PCDHGB4: variants seen among roughly 807,000 people sequenced by gnomAD.
The protein encoded by PCDHGB4 is protocadherin gamma subfamily B, 4.
PCDHGB4 carries 38 observed loss-of-function variants against 60.5 expected under a neutral mutation model. The observed-to-expected ratio is 0.63, with a 90% CI of 0.48 to 0.82. The LOEUF (loss-of-function observed/expected upper bound fraction) is 0.82. Ranked by LOEUF, PCDHGB4 falls within the 40% of genes least tolerant of loss-of-function variation. The pLI is 0.00. For synonymous variants in PCDHGB4, 456 were observed against 509.7 expected (o/e 0.89, Z 1.42); for missense variants, 1,109 against 1,209.6 (o/e 0.92, Z 1.23).
chr5:141,417,861 T>A, intron 1 of PCDHGB4: 3 of 1,549,554 alleles, frequency 1.9e-6, no homozygotes, highest in Non-Finnish European at 2.6e-6. Context: ...GAGCGAACGA[T>A]GGGAGGGAGC....
At chr5:141,457,107 A>G (rs2098908740) in intron 1 of PCDHGB4, among the ~76,000 whole-genome samples, 1 of 152,260 alleles carries the variant, frequency 6.6e-6, no homozygotes, top group African/African-American at 2.4e-5. Flanking sequence ...ATTAAGCAAA[A>G]TACGACAGCA....
chr5:141,424,082 C>T (rs2096798510), intron 1 of PCDHGB4: 2 of 957,226 alleles, frequency 2.1e-6, no homozygotes, highest in East Asian at 1.1e-4. Flanking sequence ...TTATATTCCA[C>T]CATTATTTGC....
chr5:141,396,570 C>T (rs996384369), intron 1 of PCDHGB4: 5 of 150,662 alleles, frequency 3.3e-5, no homozygotes, highest in African/African-American at 1.2e-4. Flanking sequence ...CAGTGAGCCT[C>T]GATCCTGTCA....
intron 1 of PCDHGB4, among the ~76,000 whole-genome samples, chr5:141,473,858 C>T (rs569473917): frequency 6.6e-6 from 1 of 152,168 alleles, no homozygotes; most frequent in Non-Finnish European, 1.5e-5. Flanking sequence ...ATGAACCTCG[C>T]TATTGTGGAG....
intron 1 of PCDHGB4, chr5:141,441,945 G>A: frequency 3.0e-6 from 1 of 333,884 alleles, no homozygotes; most frequent in Non-Finnish European, 5.8e-6. Flanking sequence ...ACCACGTGCT[G>A]CAGGCCAGCA....
At chr5:141,410,041 G>A (rs763879404) in intron 1 of PCDHGB4, 2 of 1,613,228 alleles carry the variant, frequency 1.2e-6, no homozygotes, top group East Asian at 2.2e-5. Flanking sequence ...AGGCCAGTGA[G>A]CCCGGACTCT....
At chr5:141,422,090 A>T (rs762413085) in intron 1 of PCDHGB4, 1 of 1,611,852 alleles carries the variant, frequency 6.2e-7, no homozygotes, top group East Asian at 2.2e-5. Context: ...ATGGAAAGCA[A>T]GGCTTCTGAA....
chr5:141,422,898 C>T (rs2096684110), intron 1 of PCDHGB4: 2 of 1,614,250 alleles, frequency 1.2e-6, no homozygotes, highest in Middle Eastern at 1.6e-4. Flanking sequence ...TGGACCAGAA[C>T]GACAATGCGC....
In PCDHGB4 at chr5:141,486,805, C is replaced by A; in HGVS notation, c.2398-8002C>A. On this transcript the variant is annotated intron_variant, in intron 1 of 3. Transcript: ENST00000519479. The surrounding 1 kb of genome is among the most constrained non-coding windows in gnomAD (Gnocchi z 5.0). ...AGGCCCGGGATCGGGGCAACCCACC[C>A]CTTAGCAGCACTGTAACAGTTCGTC... 1.2e-6 allele frequency: 2 copies of A among 1,614,242 alleles called. No homozygotes were observed. Among genetic ancestry groups the A allele is most frequent in the Admixed American group, 1.7e-5 (1 of 60,034 alleles).
Position 141,510,960 on chromosome 5 carries a change from G to C in PCDHGB4, c.2559G>C (p.Gly853=). The change falls in exon 4 of 4, where the codon GGG becomes GGC. Residue 853 remains glycine, a synonymous_variant. Transcript: ENST00000519479. ...CTGTCTCTGCAGAAGCTGCTGATGG[G>C]AGCTCCACCCTGGGAGGGGGTGCCG... The part of the protein sequence containing the change: ...ILASASEAAD[G]SSTLGGGAGT... 1 of 1,614,120 alleles carries C rather than the reference G, an allele frequency of 6.2e-7. No homozygotes were observed. Among genetic ancestry groups the C allele is most frequent in the Non-Finnish European group, 8.5e-7 (1 of 1,180,022 alleles).
intron 1 of PCDHGB4, among the ~76,000 whole-genome samples, chr5:141,443,832 A>G (rs2098407108): frequency 6.6e-6 from 1 of 152,224 alleles, no homozygotes; most frequent in African/African-American, 2.4e-5. Context: ...ATTAGGTAAA[A>G]TGGGTAATAT....
chr5:141,431,408 G>T lies in PCDHGB4; in HGVS notation c.2397+41127G>T, dbSNP rs1270461546. On this transcript the variant is annotated intron_variant, in intron 1 of 3. Coordinates refer to ENST00000519479, the MANE Select transcript of PCDHGB4 (RefSeq NM_003736.4). The surrounding 1 kb of genome is among the most constrained non-coding windows in gnomAD (Gnocchi z 4.8). ...CCACCTGGTCCTTACGGCCTCCGAC[G>T]GGGGCGACCCGGTGCGCACAGGCAC... 4 of 1,613,600 alleles carry T rather than the reference G, an allele frequency of 2.5e-6. No individual in the cohort carries two copies. Among genetic ancestry groups the T allele is most frequent in the Non-Finnish European group, 3.4e-6 (4 of 1,180,038 alleles).
At chr5:141,500,866 A>G (rs576713520) in intron 2 of PCDHGB4, among the ~76,000 whole-genome samples, 19 of 146,112 alleles carry the variant, frequency 1.3e-4, no homozygotes, top group South Asian at 4.3e-4. Context: ...AAACATACAC[A>G]TTCATTTACA....
At chr5:141,418,672 G>A (rs1170411469) in intron 1 of PCDHGB4, 3 of 1,614,022 alleles carry the variant, frequency 1.9e-6, no homozygotes, top group Non-Finnish European at 2.5e-6. Context: ...ACCAGGACGA[G>A]GGCATCAACT....
intron 3 of PCDHGB4, 133 bp downstream of exon 3, chr5:141,505,614 AC>A: frequency 6.6e-7 from 1 of 1,510,758 alleles, no homozygotes; most frequent in Non-Finnish European, 8.9e-7. Flanking sequence ...GTCTGAAAGG[AC>A]CCACAATTCC....
intron 1 of PCDHGB4, among the ~76,000 whole-genome samples, chr5:141,463,539 C>T (rs1408887405): frequency 6.7e-6 from 1 of 148,606 alleles, no homozygotes; most frequent in Admixed American, 6.8e-5. Context: ...AACTCCGGCT[C>T]CCGGGTTCAT....
chr5:141,485,726 C>G lies in PCDHGB4; in HGVS notation c.2398-9081C>G. On this transcript the variant is annotated intron_variant, in intron 1 of 3. Transcript: ENST00000519479. The surrounding 1 kb of genome is among the most constrained non-coding windows in gnomAD (Gnocchi z 5.7). ...ACACTTTGCACTGGATGTGAAGAAG[C>G]GCAGCGACGGCAGCCTGGTCCCAGA... 2 of 1,614,140 alleles carry G rather than the reference C, an allele frequency of 1.2e-6. No individual in the cohort carries two copies. The highest frequency in any genetic ancestry group is 1.1e-5 in the South Asian group (1 of 91,082).
At chr5:141,414,646 A>G in intron 1 of PCDHGB4, 2 of 1,613,928 alleles carry the variant, frequency 1.2e-6, no homozygotes, top group Non-Finnish European at 1.7e-6. Context: ...GAATGCCCAG[A>G]TTATTTACTC....
chr5:141,481,724 C>T (rs1301509633), intron 1 of PCDHGB4, among the ~76,000 whole-genome samples: 2 of 151,882 alleles, frequency 1.3e-5, no homozygotes. Context: ...GAGGCGGAGG[C>T]GGGCGGATCA....
Sources: gnomAD v4.1 joint callset for allele counts (sites outside exome capture counted in the v4.1 genomes callset) on GRCh38, gnomAD v4.1.1 for gene constraint, Gnocchi (gnomAD v3.1) non-coding constraint, MANE v1.5 for transcripts, NCBI Gene and HGNC (gene_info 2026-07-23, HGNC 2026-07-21) for gene names.